CYSTM1: variants seen among roughly 807,000 people sequenced by gnomAD.
CYSTM1 encodes the protein cysteine-rich transmembrane module-containing protein 1.
A neutral mutation model predicts 13.1 loss-of-function variants in CYSTM1; 4 were observed. The observed-to-expected ratio is 0.31, with a 90% CI of 0.15 to 0.70. The LOEUF (loss-of-function observed/expected upper bound fraction) is 0.70. CYSTM1 is among the 30% of genes least tolerant of loss of function. CYSTM1 has a pLI of 0.72. For missense variants in CYSTM1, 96 were observed against 121.6 expected (o/e 0.79, Z 0.99); for synonymous variants, 36 against 42.7 (o/e 0.84, Z 0.62).
intron 2 of CYSTM1, among the ~76,000 whole-genome samples, chr5:140,228,194 C>G (rs1483744302): frequency 6.6e-6 from 1 of 152,136 alleles, no homozygotes; most frequent in Non-Finnish European, 1.5e-5. Flanking sequence ...GGATAAATTC[C>G]AGATACAAAT....
chr5:140,193,930 G>T (rs1001019212), intron 1 of CYSTM1, among the ~76,000 whole-genome samples: 1 of 152,180 alleles, frequency 6.6e-6, no homozygotes, highest in Non-Finnish European at 1.5e-5. Context: ...TACAAACTTT[G>T]GTTGGTCATT....
At chr5:140,176,716 A>G (rs1013440877) in intron 1 of CYSTM1, among the ~76,000 whole-genome samples, 10 of 152,128 alleles carry the variant, frequency 6.6e-5, no homozygotes, top group African/African-American at 2.4e-4. Flanking sequence ...CCAAACATTC[A>G]TGTGGGGCAT....
At position 140,238,127 on chromosome 5, in the gene CYSTM1, G is replaced by C. The variant is rs547931383; in HGVS notation, c.188-5178G>C. Among the ~76,000 whole-genome samples, 17 of 152,316 alleles carry C rather than the reference G, an allele frequency of 1.1e-4. No homozygotes were observed. The South Asian group carries it at 3.5e-3, about 32-fold the overall frequency. On this transcript the variant is annotated intron_variant, in intron 2 of 2. Transcript: ENST00000261811. ...CTTGGAGTGGGTATCTTGGGACTAAGCTTCACAGAAAAGCCAGGCCAGAGC... is the reference window on the plus strand; with the variant it reads ...CTTGGAGTGGGTATCTTGGGACTAACCTTCACAGAAAAGCCAGGCCAGAGC...
intron 2 of CYSTM1, among the ~76,000 whole-genome samples, chr5:140,242,680 G>A (rs35400561): frequency 0.23 from 35,464 of 151,856 alleles, 4,142 homozygotes; most frequent in African/African-American, 0.26. Context: ...CAGGTTTCCA[G>A]CTCCATTTGG....
intron 2 of CYSTM1, among the ~76,000 whole-genome samples, chr5:140,236,410 G>A (rs865910608): frequency 6.6e-6 from 1 of 152,182 alleles, no homozygotes; most frequent in Non-Finnish European, 1.5e-5. Flanking sequence ...GAATGTACAC[G>A]CTGCACCAGC....
At chr5:140,207,358 TAC>T (rs1488157420) in intron 2 of CYSTM1, among the ~76,000 whole-genome samples, 1 of 152,178 alleles carries the variant, frequency 6.6e-6, no homozygotes, top group Non-Finnish European at 1.5e-5. Context: ...GCACTGGACT[TAC>T]AACTTGCTGA....
At chr5:140,233,751 A>G (rs919493003) in intron 2 of CYSTM1, among the ~76,000 whole-genome samples, 2 of 152,098 alleles carry the variant, frequency 1.3e-5, no homozygotes, top group African/African-American at 4.8e-5. Flanking sequence ...TCATGTGCAT[A>G]TTTGCTCTCC....
In CYSTM1 at chr5:140,236,594, T is replaced by C. The variant is rs540835947; in HGVS notation, c.188-6711T>C. ...TATTTTTGACCTGTCTTAAATGATA[T>C]TAACTTTGTTCTCATTACAACATTT... On this transcript the variant is annotated intron_variant, in intron 2 of 2. Coordinates refer to ENST00000261811, the MANE Select transcript of CYSTM1 (RefSeq NM_032412.4). Among the ~76,000 whole-genome samples, 11 of 152,362 alleles carry C rather than the reference T, an allele frequency of 7.2e-5. No individual in the cohort carries two copies. The South Asian group carries it at 1.0e-3, about 14-fold the overall frequency.
intron 1 of CYSTM1, among the ~76,000 whole-genome samples, chr5:140,180,954 TAGCC>T (rs1763954545): frequency 6.6e-6 from 1 of 152,238 alleles, no homozygotes; most frequent in Non-Finnish European, 1.5e-5. Flanking sequence ...AAAGAATCAT[TAGCC>T]AGTCTCAAGA....
chr5:140,203,483 C>T (rs376122717), intron 2 of CYSTM1, among the ~76,000 whole-genome samples: 13 of 152,256 alleles, frequency 8.5e-5, no homozygotes, highest in African/African-American at 2.4e-4. Context: ...TGGTAAGTCA[C>T]ATTGCAAAAA....
intron 2 of CYSTM1, among the ~76,000 whole-genome samples, chr5:140,204,719 A>G (rs1220178913): frequency 1.3e-5 from 2 of 151,990 alleles, no homozygotes; most frequent in Non-Finnish European, 2.9e-5. Context: ...CTTCTCAAAG[A>G]CGTTTTTTTC....
chr5:140,185,481 A>C (rs1764005661), intron 1 of CYSTM1, among the ~76,000 whole-genome samples: 1 of 152,262 alleles, frequency 6.6e-6, no homozygotes, highest in Non-Finnish European at 1.5e-5. Context: ...GGTTGAGACC[A>C]GAATCAGTAT....
chr5:140,180,604 G>T (rs2126652152), intron 1 of CYSTM1, among the ~76,000 whole-genome samples: 1 of 152,330 alleles, frequency 6.6e-6, no homozygotes, highest in East Asian at 1.9e-4. Flanking sequence ...AAAAGGAAGT[G>T]AGCTTGGAAT....
intron 2 of CYSTM1, among the ~76,000 whole-genome samples, chr5:140,229,561 C>T (rs1042831223): frequency 1.3e-5 from 2 of 152,140 alleles, no homozygotes; most frequent in East Asian, 1.9e-4. Context: ...ATCTTTCCCT[C>T]GTGCTTTGTA....
At chr5:140,188,704 G>A (rs1351684369) in intron 1 of CYSTM1, among the ~76,000 whole-genome samples, 5 of 150,128 alleles carry the variant, frequency 3.3e-5, no homozygotes, top group African/African-American at 7.4e-5. Context: ...GCGTGAACCC[G>A]GAAGGCGGAG....
In CYSTM1 at chr5:140,175,939, C is replaced by A. The variant is rs957118346; in HGVS notation, c.-21+654C>A. On this transcript the variant is annotated intron_variant, in intron 1 of 2. Coordinates refer to ENST00000261811, the MANE Select transcript of CYSTM1 (RefSeq NM_032412.4). The surrounding 1 kb of genome is among the most constrained non-coding windows in gnomAD (Gnocchi z 4.9). Reference sequence around the variant, plus strand: ...TGAGCGGGGTCCTGACGGGTGGGAACTAATCTCCCGGTAGCAGTGGAGGTT... The same window carrying A: ...TGAGCGGGGTCCTGACGGGTGGGAAATAATCTCCCGGTAGCAGTGGAGGTT... 5.3e-5 allele frequency among the ~76,000 whole-genome samples: 8 copies of A among 152,046 alleles called. No homozygotes were observed. Among genetic ancestry groups the A allele is most frequent in the African/African-American group, 1.9e-4 (8 of 41,386 alleles).
At chr5:140,237,417 A>G (rs1183250360) in intron 2 of CYSTM1, among the ~76,000 whole-genome samples, 1 of 152,246 alleles carries the variant, frequency 6.6e-6, no homozygotes, top group Non-Finnish European at 1.5e-5. Context: ...GCCAGAAGGC[A>G]GGAGGGTGTG....
intron 2 of CYSTM1, among the ~76,000 whole-genome samples, chr5:140,229,205 T>C (rs1764593461): frequency 6.7e-6 from 1 of 149,120 alleles, no homozygotes; most frequent in Non-Finnish European, 1.5e-5. Context: ...CTGACTCTCT[T>C]TTTTTTTGGA....
intron 2 of CYSTM1, chr5:140,200,929 A>G (rs1764218743): frequency 6.6e-6 from 1 of 152,248 alleles, no homozygotes; most frequent in African/African-American, 2.4e-5. Context: ...AAATGGAACC[A>G]TACAATATTT....
Sources: gnomAD v4.1 joint callset for allele counts (sites outside exome capture counted in the v4.1 genomes callset) on GRCh38, gnomAD v4.1.1 for gene constraint, Gnocchi (gnomAD v3.1) non-coding constraint, MANE v1.5 for transcripts, NCBI Gene and HGNC (gene_info 2026-07-23, HGNC 2026-07-21) for gene names.